KIFBP: variants seen among roughly 807,000 people sequenced by gnomAD.
KIFBP encodes the protein KIF-binding protein.
KIFBP carries 46 observed loss-of-function variants against 58.9 expected under a neutral mutation model. The observed-to-expected ratio is 0.78, with a 90% CI of 0.62 to 1.00. The LOEUF (loss-of-function observed/expected upper bound fraction) is 1.00, where lower values mean the gene tolerates loss of function less well. KIFBP is among the 50% of genes least tolerant of loss of function. The pLI is 0.00. For missense variants in KIFBP, 651 were observed against 752.9 expected, an observed-to-expected ratio of 0.86 and a Z score of 1.58; for synonymous variants, 241 against 283.4, an observed-to-expected ratio of 0.85 and a Z score of 1.50.
At chr10:69,014,181 C>A (rs1468375472) in intron 6 of KIFBP, among the ~76,000 whole-genome samples, 1 of 152,166 alleles carries the variant, frequency 6.6e-6, no homozygotes. Flanking sequence ...CAACCCTGTG[C>A]TAGTCATTGG....
chr10:68,996,157 CAA>C (rs35440783), intron 1 of KIFBP, among the ~76,000 whole-genome samples: 17 of 143,450 alleles, frequency 1.2e-4, no homozygotes, highest in Admixed American at 2.8e-4. Context: ...GACTCTATCT[CAA>C]AAAAAAAAAA....
chr10:69,005,119 C>A lies in KIFBP; in HGVS notation c.599C>A (p.Ser200Ter), dbSNP rs730882150. The change falls in exon 3 of 7, where the codon TCA becomes TAA. Residue 200 changes from serine (S) to a stop codon, truncating the protein, a stop_gained. Coordinates refer to ENST00000361983, the MANE Select transcript of KIFBP (RefSeq NM_015634.4). LOFTEE classifies it high-confidence loss of function. ...GAGAAACTTACTGAACAAGAGAGAT[C>A]AAAAAGGTGAGTAGGTATAGAAATC... ...EEEKLTEQERSKRFEKVYTHN... is the reference protein window; with the variant it reads ...EEEKLTEQER The A allele has an allele frequency of 7.5e-5, 120 of 1,608,124 alleles. No individual in the cohort carries two copies. The highest frequency in any genetic ancestry group is 9.5e-5 in the Non-Finnish European group (112 of 1,174,784).
chr10:68,989,028 G>T lies in KIFBP; in HGVS notation c.196G>T (p.Gly66Cys), dbSNP rs2255607. The T allele has an allele frequency of 6.8e-6, 11 of 1,613,648 alleles. No individual in the cohort carries two copies. In the African/African-American group the frequency reaches 1.3e-4, roughly 20 times the overall value. The change falls in exon 1 of 7, where the codon GGC (glycine) becomes TGC (cysteine). Residue 66 changes from glycine to cysteine, a missense_variant. Gly to Cys is a radical substitution (Grantham distance 159). Coordinates refer to ENST00000361983, the MANE Select transcript of KIFBP (RefSeq NM_015634.4). The stretch of plus-strand genomic sequence containing the variant: ...GGATGAGCGGCCTGAGGCCGAGGAC[G>T]GCCCGGGTGCCGGTGACCACGCCCT... ...DEDERPEAED[G>C]PGAGDHALGL...
At position 69,002,476 on chromosome 10, in the gene KIFBP, A is replaced by G. The variant is rs10998520; in HGVS notation, c.525+1954A>G. 1.2e-3 allele frequency among the ~76,000 whole-genome samples: 181 copies of G among 152,144 alleles called. 2 individuals are homozygous for G. In the East Asian group the frequency reaches 0.022, roughly 18 times the overall value. The stretch of plus-strand genomic sequence containing the variant: ...CCCAGCCTCGTACCTTGGCATTTTA[A>G]CTTTCTTCCTGAAGTACTAACAAGA... On this transcript the variant is annotated intron_variant, in intron 2 of 6. Transcript: ENST00000361983.
rs762458711 is a variant in KIFBP at position 69,015,599 on chromosome 10, A to C, written c.1049A>C (p.Lys350Thr). ...TCTGAACTTAGAGCTTTAAGGAAAA[A>C]AGAACTAGATGAGGAGGAAAGCATT... ...KQSELRALRK[K>T]ELDEEESIRK... Residue 350 changes from lysine to threonine, a missense_variant, in exon 7 of 7, where the codon AAA (lysine) becomes ACA (threonine). Transcript: ENST00000361983. 1 of 1,613,650 alleles carries C rather than the reference A, an allele frequency of 6.2e-7. No individual in the cohort carries two copies. Among genetic ancestry groups the C allele is most frequent in the Admixed American group, 1.7e-5 (1 of 59,878 alleles).
At chr10:68,996,613 G>A (rs1467653659) in intron 1 of KIFBP, among the ~76,000 whole-genome samples, 1 of 151,754 alleles carries the variant, frequency 6.6e-6, no homozygotes, top group Non-Finnish European at 1.5e-5. Context: ...AGCACTTTGG[G>A]AGGCTGAGGT....
intron 1 of KIFBP, among the ~76,000 whole-genome samples, chr10:69,000,197 A>G (rs1843450934): frequency 1.3e-5 from 2 of 152,184 alleles, no homozygotes; most frequent in Non-Finnish European, 2.9e-5. Context: ...ACTCAAGGGG[A>G]AGAGGTTACC....
At chr10:68,998,323 T>C (rs1564634960) in intron 1 of KIFBP, among the ~76,000 whole-genome samples, 1 of 152,186 alleles carries the variant, frequency 6.6e-6, no homozygotes, top group Non-Finnish European at 1.5e-5. Flanking sequence ...ATATAATGTG[T>C]CTAATATCTA....
intron 6 of KIFBP, among the ~76,000 whole-genome samples, chr10:69,013,837 C>T (rs1312863906): frequency 1.3e-5 from 2 of 152,172 alleles, no homozygotes; most frequent in East Asian, 3.8e-4. Context: ...GCATCCTCCA[C>T]CTCCCTGGCT....
chr10:69,011,390 A>G (rs67308394), intron 6 of KIFBP: 15,819 of 146,882 alleles, frequency 0.11, 1,049 homozygotes, highest in Admixed American at 0.17. Context: ...GAACGATATC[A>G]TATTCTTTTT....
At chr10:69,000,563 C>A in intron 2 of KIFBP, 41 bp downstream of exon 2, 1 of 1,220,642 alleles carries the variant, frequency 8.2e-7, no homozygotes, top group Non-Finnish European at 1.2e-6. Context: ...TTGATTGAAA[C>A]TAGTTAAGAA....
chr10:69,002,070 G>A (rs1843472355), intron 2 of KIFBP, among the ~76,000 whole-genome samples: 1 of 152,098 alleles, frequency 6.6e-6, no homozygotes, highest in Non-Finnish European at 1.5e-5. Flanking sequence ...GGAGATTGAG[G>A]CAGGAGGGTC....
chr10:68,994,036 A>G (rs1843378751), intron 1 of KIFBP, among the ~76,000 whole-genome samples: 1 of 152,172 alleles, frequency 6.6e-6, no homozygotes. Flanking sequence ...TTCAAAAACA[A>G]AAATTAGCTG....
At chr10:69,009,091 CT>C (rs1843565996) in intron 5 of KIFBP, among the ~76,000 whole-genome samples, 166 bp downstream of exon 5, 1 of 152,188 alleles carries the variant, frequency 6.6e-6, no homozygotes, top group African/African-American at 2.4e-5. Context: ...ATTTTTCTCT[CT>C]GAACCATTGG....
intron 2 of KIFBP, among the ~76,000 whole-genome samples, chr10:69,002,613 C>G (rs1843480593): frequency 6.6e-6 from 1 of 152,054 alleles, no homozygotes. Context: ...AGGCCAGGCA[C>G]AGTGGCTCAC....
chr10:69,015,905 C>T lies in KIFBP; in HGVS notation c.1355C>T (p.Ala452Val), dbSNP rs748167932. 2 of 1,614,126 alleles carry T rather than the reference C, an allele frequency of 1.2e-6. No individual in the cohort carries two copies. The highest frequency in any genetic ancestry group is 2.2e-5 in the South Asian group (2 of 91,078). ...RRCKMHKRRI[A>V]MLEPLTVDLN... ...TGCAAGATGCATAAACGCAGAATAG[C>T]CATGCTAGAGCCCCTAACTGTAGAC... Residue 452 changes from alanine to valine, a missense_variant, in exon 7 of 7, where the codon GCC becomes GTC. Ala to Val is a moderately conservative substitution (Grantham distance 64, BLOSUM62 0). Coordinates refer to ENST00000361983, the MANE Select transcript of KIFBP (RefSeq NM_015634.4).
intron 1 of KIFBP, among the ~76,000 whole-genome samples, chr10:68,998,024 A>G (rs549302591): frequency 6.6e-6 from 1 of 152,156 alleles, no homozygotes; most frequent in South Asian, 2.1e-4. Context: ...CAGCCTGTGG[A>G]ACTGTGAGCC....
intron 1 of KIFBP, among the ~76,000 whole-genome samples, chr10:68,996,722 G>T (rs147905404): frequency 4.0e-5 from 6 of 151,234 alleles, no homozygotes; most frequent in Non-Finnish European, 8.8e-5. Context: ...GCATGGTGGC[G>T]CATGTCTGTA....
chr10:69,014,413 C>T (rs763209342), intron 6 of KIFBP, among the ~76,000 whole-genome samples: 3 of 152,006 alleles, frequency 2.0e-5, no homozygotes, highest in Non-Finnish European at 2.9e-5. Flanking sequence ...AGTTCTGTGG[C>T]GTAAGGGAGG....
Sources: allele counts gnomAD v4.1 joint callset (sites outside exome capture counted in the v4.1 genomes callset), GRCh38; gene constraint gnomAD v4.1.1; transcripts MANE v1.5; gene names NCBI Gene and HGNC (gene_info 2026-07-23, HGNC 2026-07-21).